HPS5: variants seen among roughly 807,000 people sequenced by gnomAD.
The protein encoded by HPS5 is BLOC-2 complex member HPS5.
A neutral mutation model predicts 128.0 loss-of-function variants in HPS5; 83 were observed. The observed-to-expected ratio is 0.65, with a 90% CI of 0.54 to 0.78. HPS5 has a LOEUF of 0.78. Among genes scored for constraint, HPS5 ranks in the 30% least tolerant of loss-of-function variants. The pLI is 0.00. For synonymous variants in HPS5, 475 were observed against 470.2 expected (o/e 1.01, Z -0.13); for missense variants, 1,281 against 1,326.2 (o/e 0.97, Z 0.53).
chr11:18,281,874 C>T, intron 22 of HPS5, 76 bp downstream of exon 22: 5 of 1,546,804 alleles, frequency 3.2e-6, no homozygotes, highest in Non-Finnish European at 4.5e-6. Context: ...AAATGATCTC[C>T]ACATCTACAT....
chr11:18,300,817 AAT>A lies in HPS5; in HGVS notation c.985+9_985+10del. ...CATGAGATTAAAAATTACAAAGAAA[AAT>A]ATAATTACCTTTGACTTCACTCCAA... On this transcript the variant is annotated intron_variant, in intron 9 of 22. Coordinates refer to ENST00000349215, the MANE Select transcript of HPS5 (RefSeq NM_181507.2). 1.5e-6 allele frequency: 2 copies of A among 1,364,714 alleles called. No homozygotes were observed. The highest frequency in any genetic ancestry group is 2.1e-6 in the Non-Finnish European group (2 of 954,884). 84.5% of individuals were successfully genotyped at this position (1,364,714 alleles called of 1,614,324 possible). A position where few individuals can be genotyped will look rare whatever the true frequency, so the allele number is the denominator to read the frequency against.
chr11:18,303,500 G>A (rs1020139268), intron 8 of HPS5, among the ~76,000 whole-genome samples: 2 of 152,144 alleles, frequency 1.3e-5, no homozygotes, highest in Non-Finnish European at 2.9e-5. Flanking sequence ...TGTCTACCAT[G>A]GTAGGGACTA....
At position 18,285,366 on chromosome 11, in the gene HPS5, T is replaced by C. The variant is rs1859570820; in HGVS notation, c.2931A>G (p.Thr977=). ...CTTACCCACAAGACCTGCAGATGTC[T>C]GTCATTTTCTCTTTGGTTATAAAAT... ...PADFITKEKM[T]DICRSCGFWP... The change falls in exon 20 of 23, where the codon ACA becomes ACG. Residue 977 remains threonine, a synonymous_variant. Transcript: ENST00000349215. The C allele has an allele frequency of 1.2e-5, 20 of 1,610,686 alleles. No individual in the cohort carries two copies. Among genetic ancestry groups the C allele is most frequent in the Non-Finnish European group, 1.5e-5 (18 of 1,177,116 alleles).
rs778515774 is a variant in HPS5, at chr11:18,283,905, T to G, written c.2952-4A>C. 1 of 1,601,942 alleles carries G rather than the reference T, an allele frequency of 6.2e-7. No individual in the cohort carries two copies. Among genetic ancestry groups the G allele is most frequent in the African/African-American group, 1.3e-5 (1 of 74,744 alleles). On this transcript the variant is annotated splice_polypyrimidine_tract_variant and splice_region_variant and intron_variant, in intron 20 of 22. Coordinates refer to ENST00000349215, the MANE Select transcript of HPS5 (RefSeq NM_181507.2). Reference sequence around the variant, plus strand: ...AATTAGATATCCAGGCCAGAAACTTTAAAGAGACCGAAGTTGAAGAAAGGA... The same window carrying G: ...AATTAGATATCCAGGCCAGAAACTTGAAAGAGACCGAAGTTGAAGAAAGGA...
Position 18,314,154 on chromosome 11 carries a change from G to T in HPS5, c.109-2130C>A, listed in dbSNP as rs117547111. Among the ~76,000 whole-genome samples the T allele has an allele frequency of 2.8e-3, 424 of 152,310 alleles. 2 individuals carry two copies. Among genetic ancestry groups the T allele is most frequent in the Non-Finnish European group, 3.8e-3 (259 of 68,032 alleles). On this transcript the variant is annotated intron_variant, in intron 2 of 22. Transcript: ENST00000349215. The stretch of plus-strand genomic sequence containing the variant: ...TGCCTGACGCCAGTTCAAGGCTACA[G>T]TGCACTGCAGTGTGCTATGACTCAG...
intron 16 of HPS5, among the ~76,000 whole-genome samples, chr11:18,290,228 A>T (rs1054195140): frequency 6.6e-6 from 1 of 152,210 alleles, no homozygotes; most frequent in African/African-American, 2.4e-5. Flanking sequence ...CTGAATTACC[A>T]CCTGGGAGAC....
intron 8 of HPS5, among the ~76,000 whole-genome samples, chr11:18,303,336 A>C (rs1309503777): frequency 6.6e-6 from 1 of 152,194 alleles, no homozygotes; most frequent in Non-Finnish European, 1.5e-5. Context: ...AGACAGTGGC[A>C]ATGATAAAGG....
At chr11:18,294,949 G>A in intron 14 of HPS5, 71 bp downstream of exon 14, 1 of 1,532,208 alleles carries the variant, frequency 6.5e-7, no homozygotes. Flanking sequence ...GCACAAGGTT[G>A]GTCTATGGCT....
In HPS5 at chr11:18,306,238, G is replaced by T. The variant is rs760927340; in HGVS notation, c.721C>A (p.Pro241Thr). The change falls in exon 7 of 23, where the codon CCA (proline) becomes ACA (threonine). Residue 241 changes from proline to threonine, a missense_variant. Coordinates refer to ENST00000349215, the MANE Select transcript of HPS5 (RefSeq NM_181507.2). ...TTCACTTCCCACATCCTAGAGCCTG[G>T]GCGAGCACAATATATCAGAGGTTGC... is the stretch of plus-strand genomic sequence containing the variant. Reference protein sequence around the residue: ...GQQPLIYCARPGSRMWEVNFD... With the variant: ...GQQPLIYCARTGSRMWEVNFD... The T allele has an allele frequency of 2.5e-6, 4 of 1,613,918 alleles. No homozygotes were observed. The highest frequency in any genetic ancestry group is 3.4e-6 in the Non-Finnish European group (4 of 1,179,900).
intron 15 of HPS5, 45 bp from the exon 16 acceptor site, chr11:18,292,064 T>C (rs1244544325): frequency 1.4e-6 from 2 of 1,449,214 alleles, no homozygotes; most frequent in East Asian, 4.5e-5. Flanking sequence ...CATGTGTTTT[T>C]CTTAAAACAA....
At chr11:18,297,342 A>G (rs539068971) in intron 11 of HPS5, among the ~76,000 whole-genome samples, 2 of 152,330 alleles carry the variant, frequency 1.3e-5, no homozygotes, top group South Asian at 4.2e-4. Context: ...CAGGGAACAA[A>G]AAATAATAAA....
At chr11:18,297,826 TC>T in intron 10 of HPS5, 109 bp from the exon 11 acceptor site, 1 of 1,062,526 alleles carries the variant, frequency 9.4e-7, no homozygotes, top group Non-Finnish European at 1.4e-6. Context: ...ACGCCTGTAA[TC>T]CCAGCACTCT....
Position 18,296,587 on chromosome 11 carries a change from T to A in HPS5, c.1510+211A>T, listed in dbSNP as rs928449851. ...ATGCATGATCAAAAACAGGCCCTAA[T>A]GTTAGTCCAAACGTGAGGGGAAAAA... On this transcript the variant is annotated intron_variant, in intron 12 of 22. Transcript: ENST00000349215. 3 of 658,042 alleles carry A rather than the reference T, an allele frequency of 4.6e-6. No individual in the cohort carries two copies. The African/African-American group carries it at 5.4e-5, about 12-fold the overall frequency. 40.8% of individuals were successfully genotyped at this position (658,042 alleles called of 1,614,324 possible).
intron 3 of HPS5, 63 bp from the exon 4 acceptor site, chr11:18,311,514 T>TTTA (rs1193798351): frequency 1.7e-5 from 9 of 535,902 alleles, no homozygotes; most frequent in Middle Eastern, 6.1e-4. Flanking sequence ...TATTATTATT[T>TTTA]TTTTTTTTTT....
chr11:18,289,836 C>A (rs1395106670), intron 16 of HPS5, among the ~76,000 whole-genome samples: 1 of 152,156 alleles, frequency 6.6e-6, no homozygotes, highest in Non-Finnish European at 1.5e-5. Context: ...GCAGAAAGGG[C>A]AATGCATATA....
rs538260676 is a variant in HPS5 at position 18,301,843 on chromosome 11, T to C, written c.897-927A>G. Among the ~76,000 whole-genome samples the C allele has an allele frequency of 2.2e-4, 34 of 152,234 alleles. No homozygotes were observed. In the South Asian group the frequency reaches 3.3e-3, roughly 15 times the overall value. On this transcript the variant is annotated intron_variant, in intron 8 of 22. Transcript: ENST00000349215. ...AATAAAATAATATACCAAAGGCCAT[T>C]CAGCATGAAATGTATACGAGTCAGA...
At chr11:18,286,750 C>A in intron 18 of HPS5, 40 bp from the exon 19 acceptor site, 1 of 1,611,478 alleles carries the variant, frequency 6.2e-7, no homozygotes, top group South Asian at 1.1e-5. Flanking sequence ...AATCTTCATG[C>A]TAAGAAAGGA....
intron 1 of HPS5, among the ~76,000 whole-genome samples, chr11:18,319,118 A>C (rs1411539604): frequency 6.6e-6 from 1 of 152,184 alleles, no homozygotes; most frequent in Non-Finnish European, 1.5e-5. Context: ...TATTGACCTA[A>C]GAAAATCTTC....
At chr11:18,296,684 GTTAAAAA>G in intron 12 of HPS5, 107 bp downstream of exon 12, 2 of 973,566 alleles carry the variant, frequency 2.1e-6, no homozygotes, top group Non-Finnish European at 3.4e-6. Flanking sequence ...CTATCAACAT[GTTAAAAA>G]TTATTAACAC....
Sources: gnomAD v4.1 joint callset for allele counts (sites outside exome capture counted in the v4.1 genomes callset) on GRCh38, gnomAD v4.1.1 for gene constraint, MANE v1.5 for transcripts, NCBI Gene and HGNC (gene_info 2026-07-23, HGNC 2026-07-21) for gene names.